Variants in TET2 observed in about 807,000 individuals in gnomAD.
The protein encoded by TET2 is tet methylcytosine dioxygenase 2.
Under a neutral mutation model 142.9 loss-of-function variants are expected in TET2, and 299 were observed. The ratio of observed to expected loss-of-function variants is 2.09; its 90% confidence interval spans 1.90 to 2.30. The LOEUF is 2.30. Among genes scored for constraint, TET2 ranks in the 30% most tolerant of loss-of-function variants. The pLI, the probability that TET2 is intolerant of heterozygous loss-of-function variation, is 0.00. For missense variants in TET2, 2,418 were observed against 2,378.0 expected (o/e 1.02, Z -0.35); for synonymous variants, 819 against 849.0 (o/e 0.96, Z 0.61).
intron 1 of TET2, among the ~76,000 whole-genome samples, chr4:105,150,494 G>A (rs113417752): frequency 2.6e-5 from 4 of 152,228 alleles, no homozygotes; most frequent in African/African-American, 9.6e-5. Context: ...GTCAGTATTT[G>A]TTCATCAGAA....
At chr4:105,259,862 T>G (rs1730336628) in intron 7 of TET2, 93 bp downstream of exon 7, 1 of 1,250,624 alleles carries the variant, frequency 8.0e-7, no homozygotes, top group South Asian at 2.2e-5. Flanking sequence ...CTTGGTAAGC[T>G]CTTATTAATC....
At chr4:105,259,961 A>T (rs1244381115) in intron 7 of TET2, among the ~76,000 whole-genome samples, 192 bp downstream of exon 7, 1 of 152,150 alleles carries the variant, frequency 6.6e-6, no homozygotes, top group East Asian at 1.9e-4. Flanking sequence ...AATTTGAGCA[A>T]CAAAAACTTC....
chr4:105,173,363 CAAA>C (rs71584289), intron 1 of TET2, among the ~76,000 whole-genome samples: 1 of 114,660 alleles, frequency 8.7e-6, no homozygotes. Flanking sequence ...ACTAAAAATA[CAAA>C]AAAAAAAAAA....
At position 105,237,216 on chromosome 4, in the gene TET2, C is replaced by A; in HGVS notation, c.3274C>A (p.Pro1092Thr). Residue 1092 changes from proline (P) to threonine (T), a missense_variant, in exon 3 of 11, where the codon CCA (proline) becomes ACA (threonine). Transcript: ENST00000380013. ...GCAAACAACTTCTTCAGAAAAGACACCAACCAAAAGAACAGCTGCTTCTGT... is the reference window on the plus strand; with the variant it reads ...GCAAACAACTTCTTCAGAAAAGACAACAACCAAAAGAACAGCTGCTTCTGT... ...EQQTTSSEKT[P>T]TKRTAASVLN... The A allele has an allele frequency of 6.2e-7, 1 of 1,614,070 alleles. No homozygotes were observed. Among genetic ancestry groups the A allele is most frequent in the Non-Finnish European group, 8.5e-7 (1 of 1,180,006 alleles).
At position 105,276,315 on chromosome 4, in the gene TET2, T is replaced by C. The variant is rs1203336791; in HGVS notation, c.5805T>C (p.Tyr1935=). The C allele has an allele frequency of 2.6e-6, 4 of 1,551,630 alleles. No homozygotes were observed. In the Admixed American group the frequency reaches 5.9e-5, roughly 23 times the overall value. Reference sequence around the variant, plus strand: ...AGAAAGAGGAAGAGTGTGAAAAGTATGGCCCAGACTATGTGCCTCAGAAAT... The same window carrying C: ...AGAAAGAGGAAGAGTGTGAAAAGTACGGCCCAGACTATGTGCCTCAGAAAT... The part of the protein sequence containing the change: ...AREKEEECEK[Y]GPDYVPQKSH... Residue 1935 remains tyrosine (Y), a synonymous_variant, in exon 11 of 11, where the codon TAT becomes TAC. Coordinates refer to ENST00000380013, the MANE Select transcript of TET2 (RefSeq NM_001127208.3).
intron 2 of TET2, among the ~76,000 whole-genome samples, chr4:105,230,892 C>A (rs573176768): frequency 1.3e-5 from 2 of 151,774 alleles, no homozygotes; most frequent in South Asian, 4.2e-4. Context: ...GGTTTTATTT[C>A]CTGTATTCAA....
intron 2 of TET2, among the ~76,000 whole-genome samples, chr4:105,195,382 C>T (rs976755381): frequency 6.6e-6 from 1 of 152,056 alleles, no homozygotes; most frequent in Non-Finnish European, 1.5e-5. Context: ...ATTTTCTTAG[C>T]TCATTTAATA....
intron 6 of TET2, among the ~76,000 whole-genome samples, chr4:105,254,764 AT>A (rs947915848): frequency 1.1e-4 from 16 of 152,128 alleles, no homozygotes; most frequent in African/African-American, 3.9e-4. Context: ...ATTTTCAAAA[AT>A]TGTTTTCCCC....
rs1731226808 is a variant in TET2, at chr4:105,276,425, C to T, written c.5915C>T (p.Ala1972Val). The T allele has an allele frequency of 1.9e-6, 3 of 1,551,880 alleles. No homozygotes were observed. Among genetic ancestry groups the T allele is most frequent in the Non-Finnish European group, 2.6e-6 (3 of 1,147,024 alleles). The change falls in exon 11 of 11, where the codon GCC becomes GTC. Residue 1972 changes from alanine (A) to valine (V), a missense_variant. Physicochemically the swap from Ala to Val is moderately conservative, Grantham distance 64. Coordinates refer to ENST00000380013, the MANE Select transcript of TET2 (RefSeq NM_001127208.3). The part of the protein sequence containing the change: ...PTYLRFIKSL[A>V]ERTMSVTTDS... ...TACCTGCGTTTCATCAAGTCTCTTG[C>T]CGAAAGGACCATGTCCGTGACCACA... is the stretch of plus-strand genomic sequence containing the variant.
intron 2 of TET2, among the ~76,000 whole-genome samples, chr4:105,199,031 T>A (rs1450547074): frequency 3.9e-5 from 6 of 152,222 alleles, no homozygotes; most frequent in Admixed American, 3.9e-4. Flanking sequence ...TTTAGGGATA[T>A]GTTTAGTGTT....
chr4:105,219,982 C>T (rs1363430692), intron 2 of TET2, among the ~76,000 whole-genome samples: 1 of 152,072 alleles, frequency 6.6e-6, no homozygotes, highest in Non-Finnish European at 1.5e-5. Flanking sequence ...ATTAGAATAT[C>T]AGGTCCAAGA....
chr4:105,261,550 T>C (rs1021909095), intron 7 of TET2, among the ~76,000 whole-genome samples: 5 of 151,854 alleles, frequency 3.3e-5, no homozygotes, highest in Admixed American at 2.6e-4. Context: ...AGAAAATCAA[T>C]CTTATGAAAA....
chr4:105,215,714 C>G (rs895986513), intron 2 of TET2, among the ~76,000 whole-genome samples: 1 of 152,040 alleles, frequency 6.6e-6, no homozygotes, highest in Non-Finnish European at 1.5e-5. Context: ...TTTTTTCCCC[C>G]TTATCTGCAG....
At chr4:105,230,006 A>G (rs1728415071) in intron 2 of TET2, among the ~76,000 whole-genome samples, 1 of 152,128 alleles carries the variant, frequency 6.6e-6, no homozygotes, top group Non-Finnish European at 1.5e-5. Flanking sequence ...TTGTGCCTAC[A>G]TCATTTAATG....
chr4:105,180,749 C>T (rs929995814), intron 1 of TET2, among the ~76,000 whole-genome samples: 1 of 152,048 alleles, frequency 6.6e-6, no homozygotes, highest in Non-Finnish European at 1.5e-5. Context: ...AAGCGATTCT[C>T]CTGCCTCAGC....
intron 6 of TET2, among the ~76,000 whole-genome samples, chr4:105,253,925 A>C (rs1729996100): frequency 6.6e-6 from 1 of 152,154 alleles, no homozygotes; most frequent in Non-Finnish European, 1.5e-5. Context: ...ACCTATTGAT[A>C]TTACCATATG....
intron 6 of TET2, among the ~76,000 whole-genome samples, chr4:105,256,861 C>G (rs1730160959): frequency 6.6e-6 from 1 of 151,992 alleles, no homozygotes; most frequent in African/African-American, 2.4e-5. Flanking sequence ...GCTATTGAAC[C>G]CCTCTAATTT....
At chr4:105,240,604 T>A (rs867453667) in intron 3 of TET2, 2 of 1,079,862 alleles carry the variant, frequency 1.9e-6, no homozygotes, top group Middle Eastern at 8.3e-4. Flanking sequence ...TGCGTGTGGT[T>A]ATTAAGTTGC....
chr4:105,172,114 G>A (rs1295971519), intron 1 of TET2, among the ~76,000 whole-genome samples: 4 of 152,088 alleles, frequency 2.6e-5, no homozygotes, highest in Admixed American at 6.5e-5. Context: ...GTAGGGATGC[G>A]TGTGTGTGTG....
Sources: allele counts gnomAD v4.1 joint callset (sites outside exome capture counted in the v4.1 genomes callset), GRCh38; gene constraint gnomAD v4.1.1; transcripts MANE v1.5; gene names NCBI Gene and HGNC (gene_info 2026-07-23, HGNC 2026-07-21).